Variants in EPHA8 observed in about 807,000 individuals in gnomAD.
The protein encoded by EPHA8 is ephrin type-A receptor 8.
In EPHA8, 58 loss-of-function variants were observed where a neutral mutation model predicts 103.6. The observed-to-expected ratio is 0.56, with a 90% CI of 0.45 to 0.70. The LOEUF is 0.70. EPHA8 is among the 30% of genes least tolerant of loss of function. EPHA8 has a pLI of 0.00. For missense variants in EPHA8, 1,304 were observed against 1,395.2 expected (o/e 0.93, Z 1.04); for synonymous variants, 559 against 572.5 (o/e 0.98, Z 0.34).
intron 2 of EPHA8, among the ~76,000 whole-genome samples, chr1:22,570,369 T>C (rs201165465): frequency 2.0e-5 from 2 of 97,626 alleles, no homozygotes; most frequent in African/African-American, 6.6e-5. Flanking sequence ...CACACACGTG[T>C]GCGCGTACAC....
intron 4 of EPHA8, 112 bp downstream of exon 4, chr1:22,586,747 G>A (rs562760537): frequency 1.4e-6 from 2 of 1,414,036 alleles, no homozygotes; most frequent in East Asian, 2.4e-5. Flanking sequence ...GGCAGGGGCG[G>A]GTGGCTCTCT....
chr1:22,584,407 T>TA (rs1641130581), intron 3 of EPHA8, among the ~76,000 whole-genome samples: 1 of 152,218 alleles, frequency 6.6e-6, no homozygotes, highest in Admixed American at 6.5e-5. Context: ...CTCTGCAACT[T>TA]ACAAGCTCTT....
chr1:22,586,773 T>G, intron 4 of EPHA8, 138 bp downstream of exon 4: 3 of 1,057,392 alleles, frequency 2.8e-6, no homozygotes, highest in Non-Finnish European at 3.9e-6. Flanking sequence ...CAGAGGCCAG[T>G]CTGAGGTGGG....
At chr1:22,565,305 C>T (rs541134342) in intron 1 of EPHA8, among the ~76,000 whole-genome samples, 67 of 152,244 alleles carry the variant, frequency 4.4e-4, no homozygotes, top group Non-Finnish European at 8.7e-4. Context: ...AGGAGAGGCA[C>T]GGCAGGGTGG....
chr1:22,588,830 A>G, intron 4 of EPHA8, 41 bp from the exon 5 acceptor site: 2 of 1,535,732 alleles, frequency 1.3e-6, no homozygotes, highest in South Asian at 2.5e-5. Flanking sequence ...GGACAGCCCA[A>G]ATAAATAACC....
At position 22,593,601 on chromosome 1, in the gene EPHA8, C is replaced by G. The variant is rs56157621; in HGVS notation, c.1518C>G (p.Thr506=). Residue 506 remains threonine (T), a synonymous_variant, in exon 7 of 17, where the codon ACC becomes ACG. Coordinates refer to ENST00000166244, the MANE Select transcript of EPHA8 (RefSeq NM_020526.5). ...RATVSGLKPG[T]RYVFQVRART... ...CCGTCTCCGGCCTCAAGCCGGGCAC[C>G]CGCTACGTGTTCCAGGTCCGAGCCC... is the stretch of plus-strand genomic sequence containing the variant. 0.036 allele frequency: 57,922 copies of G among 1,611,366 alleles called. 1,191 individuals carry two copies. Among genetic ancestry groups the G allele is most frequent in the South Asian group, 0.058 (5,220 of 90,718 alleles).
At chr1:22,580,164 G>C (rs1283855863) in intron 3 of EPHA8, among the ~76,000 whole-genome samples, 1 of 93,674 alleles carries the variant, frequency 1.1e-5, no homozygotes, top group East Asian at 3.2e-4. Flanking sequence ...TGGAGACGGA[G>C]TTTTCACTTT....
intron 3 of EPHA8, among the ~76,000 whole-genome samples, chr1:22,577,954 T>C (rs1423939687): frequency 6.8e-5 from 9 of 132,092 alleles, no homozygotes; most frequent in East Asian, 2.3e-4. Flanking sequence ...TGCGAGTGTA[T>C]GCATGTGTGT....
In EPHA8 at chr1:22,593,517, G is replaced by T. The variant is rs371652847; in HGVS notation, c.1441-7G>T. The T allele has an allele frequency of 2.5e-6, 4 of 1,611,126 alleles. No homozygotes were observed. The Admixed American group carries it at 5.0e-5, about 20-fold the overall frequency. On this transcript the variant is annotated splice_region_variant and splice_polypyrimidine_tract_variant and intron_variant, in intron 6 of 16. Coordinates refer to ENST00000166244, the MANE Select transcript of EPHA8 (RefSeq NM_020526.5). ...GGCAGGGCCCACTGACCACCGTCCC[G>T]TGGCAGGACAAGGAGATGCAGAGCT...
Position 22,589,363 on chromosome 1 carries a change from C to A in EPHA8, c.1315+157C>A, listed in dbSNP as rs148808910. 1.3e-5 allele frequency: 20 copies of A among 1,565,344 alleles called. No individual in the cohort carries two copies. The African/African-American group carries it at 2.7e-4, about 21-fold the overall frequency. ...CCTCACCAGGACCCAGAGCTGGAGGCTCTTCATTGCCTTTAGAAAAGTGGA... is the reference window on the plus strand; with the variant it reads ...CCTCACCAGGACCCAGAGCTGGAGGATCTTCATTGCCTTTAGAAAAGTGGA... On this transcript the variant is annotated intron_variant, in intron 5 of 16. Transcript: ENST00000166244. The surrounding 1 kb of genome is among the most constrained non-coding windows in gnomAD (Gnocchi z 4.3).
chr1:22,601,409 T>C lies in EPHA8; in HGVS notation c.2839T>C (p.Tyr947His). 1 of 1,611,308 alleles carries C rather than the reference T, an allele frequency of 6.2e-7. No individual in the cohort carries two copies. Among genetic ancestry groups the C allele is most frequent in the Non-Finnish European group, 8.5e-7 (1 of 1,179,838 alleles). Reference sequence around the variant, plus strand: ...GCTGGACTCCATCCGCATGGGCCGGTACCGAGACCACTTCGCTGCGGGCGG... The same window carrying C: ...GCTGGACTCCATCCGCATGGGCCGGCACCGAGACCACTTCGCTGCGGGCGG... ...DWLDSIRMGRYRDHFAAGGYS... is the reference protein window; with the variant it reads ...DWLDSIRMGRHRDHFAAGGYS... The change falls in exon 16 of 17, where the codon TAC becomes CAC. Residue 947 changes from tyrosine to histidine, a missense_variant. Tyr to His is a moderately conservative substitution (Grantham distance 83). Transcript: ENST00000166244.
rs1234607445 is a variant in EPHA8, at chr1:22,597,005, A to G, written c.1766-307A>G. ...AAGTTGACCCTTGTGGCAAAAACTT[A>G]TTTTTGCTACATCCCTACTCCAGAA... On this transcript the variant is annotated intron_variant, in intron 9 of 16. Transcript: ENST00000166244. This position sits in a 1 kb window ranked among gnomAD's most constrained non-coding sequence, Gnocchi z 4.6. 1.3e-5 allele frequency among the ~76,000 whole-genome samples: 2 copies of G among 152,138 alleles called. No homozygotes were observed. The highest frequency in any genetic ancestry group is 2.9e-5 in the Non-Finnish European group (2 of 68,026).
chr1:22,572,529 G>A (rs545842691), intron 2 of EPHA8, among the ~76,000 whole-genome samples: 38 of 152,352 alleles, frequency 2.5e-4, no homozygotes, highest in African/African-American at 8.7e-4. Flanking sequence ...GCTGGGACGT[G>A]CTCCGCCTGC....
intron 8 of EPHA8, 62 bp downstream of exon 8, chr1:22,595,385 C>T (rs1641490268): frequency 2.1e-6 from 3 of 1,431,838 alleles, no homozygotes; most frequent in Non-Finnish European, 2.9e-6. Context: ...TCCTGCCTGC[C>T]CCCAGCCCCA....
rs750964170 is a variant in EPHA8 at position 22,600,730 on chromosome 1, G to A, written c.2458G>A (p.Asp820Asn). 2.1e-5 allele frequency: 34 copies of A among 1,613,482 alleles called. No homozygotes were observed. The highest frequency in any genetic ancestry group is 4.4e-5 in the South Asian group (4 of 91,068). The change falls in exon 14 of 17, where the codon GAC becomes AAC. Residue 820 changes from aspartate (D) to asparagine (N), a missense_variant. Transcript: ENST00000166244. Reference protein sequence around the residue: ...IAFRTFSSASDVWSFGVVMWE... With the variant: ...IAFRTFSSASNVWSFGVVMWE... Reference sequence around the variant, plus strand: ...CTTCCGCACCTTCTCCTCGGCCAGCGACGTGTGGAGCTTCGGCGTGGTCAT... The same window carrying A: ...CTTCCGCACCTTCTCCTCGGCCAGCAACGTGTGGAGCTTCGGCGTGGTCAT...
At chr1:22,579,750 G>A (rs1410353801) in intron 3 of EPHA8, among the ~76,000 whole-genome samples, 2 of 152,172 alleles carry the variant, frequency 1.3e-5, no homozygotes, top group African/African-American at 4.8e-5. Flanking sequence ...GGAGGAGGAT[G>A]TTTATATGCA....
In EPHA8 at chr1:22,576,692, CT is replaced by C; in HGVS notation, c.636del (p.Ala213ProfsTer6). 6.2e-7 allele frequency: 1 copy of C among 1,613,966 alleles called. No homozygotes were observed. The highest frequency in any genetic ancestry group is 8.5e-7 in the Non-Finnish European group (1 of 1,180,042). The part of the protein sequence containing the change: ...KKCPAMVRNL[A>X]AFSEAVTGAD... Reference sequence around the variant, plus strand: ...TGCCCTGCCATGGTGCGCAATCTGGCTGCCTTCTCGGAGGCAGTGACGGGGG... The same window carrying C: ...TGCCCTGCCATGGTGCGCAATCTGGCGCCTTCTCGGAGGCAGTGACGGGGG... On this transcript the variant is annotated frameshift_variant, in exon 3 of 17. Coordinates refer to ENST00000166244, the MANE Select transcript of EPHA8 (RefSeq NM_020526.5). LOFTEE classifies it high-confidence loss of function. This position sits in a 1 kb window ranked among gnomAD's most constrained non-coding sequence, Gnocchi z 4.8.
At position 22,589,490 on chromosome 1, in the gene EPHA8, C is replaced by T. The variant is rs910830870; in HGVS notation, c.1315+284C>T. On this transcript the variant is annotated intron_variant, in intron 5 of 16. Transcript: ENST00000166244. This position sits in a 1 kb window ranked among gnomAD's most constrained non-coding sequence, Gnocchi z 4.3. The stretch of plus-strand genomic sequence containing the variant: ...ACTTTCCCTCTCTGTGCCTCAGTTT[C>T]CTCCCTGGTGCAATGGGAATAATAG... 20 of 1,454,678 alleles carry T rather than the reference C, an allele frequency of 1.4e-5. No individual in the cohort carries two copies. The Admixed American group carries it at 1.8e-4, about 13-fold the overall frequency. 90.1% of individuals were successfully genotyped at this position (1,454,678 alleles called of 1,614,324 possible).
At position 22,598,912 on chromosome 1, in the gene EPHA8, C is replaced by G. The variant is rs112279775; in HGVS notation, c.2253C>G (p.Leu751=). 2.0e-4 allele frequency: 321 copies of G among 1,612,414 alleles called. No individual in the cohort carries two copies. In the African/African-American group the frequency reaches 3.7e-3, roughly 19 times the overall value. Residue 751 remains leucine (L), a synonymous_variant, in exon 13 of 17, where the codon CTC becomes CTG. Transcript: ENST00000166244. The surrounding 1 kb of genome is among the most constrained non-coding windows in gnomAD (Gnocchi z 5.1). The stretch of plus-strand genomic sequence containing the variant: ...GAGTGGGTGCCGGCATGCGCTACCT[C>G]TCAGACCTGGGCTATGTCCACCGAG... ...LRGVGAGMRY[L]SDLGYVHRDL...
Sources: gnomAD v4.1 joint callset for allele counts (sites outside exome capture counted in the v4.1 genomes callset) on GRCh38, gnomAD v4.1.1 for gene constraint, Gnocchi (gnomAD v3.1) non-coding constraint, MANE v1.5 for transcripts, NCBI Gene and HGNC (gene_info 2026-07-23, HGNC 2026-07-21) for gene names.